Variants in CCDC62 observed in about 807,000 individuals in gnomAD.
The protein encoded by CCDC62 is coiled-coil domain containing 62, also known as coiled-coil domain-containing protein 62.
CCDC62 carries 72 observed loss-of-function variants against 80.8 expected under a neutral mutation model. That is an observed-to-expected ratio of 0.89 (90% CI 0.74 to 1.08). The LOEUF is 1.08. Among genes scored for constraint, CCDC62 ranks in the 50% least tolerant of loss-of-function variants. The probability of loss-of-function intolerance (pLI) is 0.00; values close to 1 mark genes in which losing one functional copy is unlikely to be tolerated. For synonymous variants in CCDC62, 286 were observed against 296.5 expected, an observed-to-expected ratio of 0.96 and a Z score of 0.36; for missense variants, 704 against 809.4, an observed-to-expected ratio of 0.87 and a Z score of 1.58.
rs1356730080 is a variant in CCDC62 at position 122,792,054 on chromosome 12, G to A, written c.705G>A (p.Glu235=). The change falls in exon 6 of 13, where the codon GAG becomes GAA. Residue 235 remains glutamate (E), a synonymous_variant. Transcript: ENST00000253079. ...DLNEKTTENN[E]QREEIIRLKQ... ...ATGAAAAGACGACAGAAAATAATGA[G>A]CAACGAGAAGAGATCATTCGCCTCA... The A allele has an allele frequency of 6.2e-7, 1 of 1,614,008 alleles. No homozygotes were observed. The highest frequency in any genetic ancestry group is 2.2e-5 in the East Asian group (1 of 44,880).
intron 12 of CCDC62, 124 bp downstream of exon 12, chr12:122,823,583 C>T (rs993503322): frequency 6.0e-5 from 34 of 566,562 alleles, no homozygotes; most frequent in Admixed American, 3.5e-4. Flanking sequence ...CTCTTTTGCT[C>T]GACCAATTTA....
chr12:122,800,164 CTTTTTTT>C (rs59113229), intron 8 of CCDC62, among the ~76,000 whole-genome samples: 2,923 of 104,950 alleles, frequency 0.028, 53 homozygotes, highest in South Asian at 0.061. Context: ...TGCCCGGCTA[CTTTTTTT>C]TTTTTTTTTT....
In CCDC62 at chr12:122,823,440, A is replaced by C. The variant is rs1208201670; in HGVS notation, c.*21A>C. The C allele has an allele frequency of 3.2e-6, 5 of 1,580,758 alleles. No homozygotes were observed. Among genetic ancestry groups the C allele is most frequent in the Non-Finnish European group, 3.5e-6 (4 of 1,149,696 alleles). On this transcript the variant is annotated 3_prime_UTR_variant, in exon 12 of 13. Coordinates refer to ENST00000253079, the MANE Select transcript of CCDC62 (RefSeq NM_201435.5). ...ATTGAAGGAAACAAAAGGCAACTTCAGTATTCATCGTGATCACGAGTAAGT... is the reference window on the plus strand; with the variant it reads ...ATTGAAGGAAACAAAAGGCAACTTCCGTATTCATCGTGATCACGAGTAAGT...
chr12:122,785,594 T>G, intron 3 of CCDC62, 125 bp from the exon 4 acceptor site: 1 of 699,966 alleles, frequency 1.4e-6, no homozygotes. Context: ...ACCAACTCTT[T>G]TTTGTTACTA....
At chr12:122,792,163 A>G (rs757396017) in intron 6 of CCDC62, 42 bp downstream of exon 6, 2 of 1,177,682 alleles carry the variant, frequency 1.7e-6, no homozygotes, top group South Asian at 1.2e-5. Context: ...TAGACTTGCA[A>G]TGATGACAGG....
Position 122,801,233 on chromosome 12 carries a change from G to C in CCDC62, c.1087G>C (p.Val363Leu), listed in dbSNP as rs2031284202. The C allele has an allele frequency of 6.2e-7, 1 of 1,614,138 alleles. No homozygotes were observed. Among genetic ancestry groups the C allele is most frequent in the Non-Finnish European group, 8.5e-7 (1 of 1,180,020 alleles). Residue 363 changes from valine to leucine, a missense_variant, in exon 9 of 13, where the codon GTT becomes CTT. Coordinates refer to ENST00000253079, the MANE Select transcript of CCDC62 (RefSeq NM_201435.5). ...GGACCAGAAATTTGAAGCCATGTTG[G>C]TTCAGCAAAATAGGTCAGACAAGAG... Reference protein sequence around the residue: ...FKDQKFEAMLVQQNRSDKSSC... With the variant: ...FKDQKFEAMLLQQNRSDKSSC...
chr12:122,782,347 T>C (rs1045928563), intron 3 of CCDC62, among the ~76,000 whole-genome samples: 1 of 152,200 alleles, frequency 6.6e-6, no homozygotes, highest in Non-Finnish European at 1.5e-5. Flanking sequence ...CGTTATGCCA[T>C]TTGGTTTAGT....
intron 2 of CCDC62, among the ~76,000 whole-genome samples, chr12:122,779,388 A>C (rs1879682768): frequency 6.6e-6 from 1 of 152,152 alleles, no homozygotes; most frequent in African/African-American, 2.4e-5. Context: ...AGGTGTGCAT[A>C]TCCTACAGCC....
chr12:122,795,646 G>C (rs1023266877), intron 6 of CCDC62, among the ~76,000 whole-genome samples: 1 of 152,024 alleles, frequency 6.6e-6, no homozygotes, highest in Non-Finnish European at 1.5e-5. Context: ...GGATGGTCTT[G>C]ATTTCCTGAC....
At chr12:122,819,404 T>C (rs2032309684) in intron 11 of CCDC62, among the ~76,000 whole-genome samples, 1 of 152,176 alleles carries the variant, frequency 6.6e-6, no homozygotes, top group African/African-American at 2.4e-5. Flanking sequence ...CAGGCAATGA[T>C]TCAGTCCTCC....
At chr12:122,804,732 T>G (rs1321194229) in intron 9 of CCDC62, among the ~76,000 whole-genome samples, 3 of 152,050 alleles carry the variant, frequency 2.0e-5, no homozygotes, top group African/African-American at 7.2e-5. Context: ...TTTTTTTCTC[T>G]TTTTAGAGAT....
At chr12:122,818,073 C>A (rs376007246) in intron 11 of CCDC62, among the ~76,000 whole-genome samples, 1 of 151,998 alleles carries the variant, frequency 6.6e-6, no homozygotes, top group Non-Finnish European at 1.5e-5. Flanking sequence ...TTTGGGAGGC[C>A]GAGGTGGGAG....
chr12:122,798,908 T>C (rs920182566), intron 8 of CCDC62, among the ~76,000 whole-genome samples: 6 of 151,584 alleles, frequency 4.0e-5, no homozygotes, highest in Non-Finnish European at 8.8e-5. Context: ...TGAAGCCCCA[T>C]CTGTACTAAA....
At position 122,781,335 on chromosome 12, in the gene CCDC62, G is replaced by A; in HGVS notation, c.396+5G>A. On this transcript the variant is annotated splice_donor_5th_base_variant and intron_variant, in intron 3 of 12. Transcript: ENST00000253079. ...CTTCTCTCTGAAGACCTTGAGGTTGGGATTAGTTTTTGATAAGCTTCACTA... is the reference window on the plus strand; with the variant it reads ...CTTCTCTCTGAAGACCTTGAGGTTGAGATTAGTTTTTGATAAGCTTCACTA... The A allele has an allele frequency of 6.2e-7, 1 of 1,611,370 alleles. No individual in the cohort carries two copies. The highest frequency in any genetic ancestry group is 8.5e-7 in the Non-Finnish European group (1 of 1,179,148).
intron 8 of CCDC62, among the ~76,000 whole-genome samples, chr12:122,799,185 A>G (rs767103307): frequency 2.0e-5 from 3 of 152,240 alleles, no homozygotes; most frequent in Admixed American, 6.5e-5. Flanking sequence ...AATTTTAGTC[A>G]TGATCCTGAT....
intron 4 of CCDC62, among the ~76,000 whole-genome samples, 192 bp downstream of exon 4, chr12:122,786,012 A>C (rs935674488): frequency 6.6e-6 from 1 of 152,254 alleles, no homozygotes; most frequent in Non-Finnish European, 1.5e-5. Flanking sequence ...GAAAGGAGGC[A>C]GGACTCTGCT....
chr12:122,788,679 A>G, intron 4 of CCDC62, 79 bp from the exon 5 acceptor site: 2 of 887,086 alleles, frequency 2.3e-6, no homozygotes, highest in South Asian at 3.5e-5. Context: ...GCACACGATA[A>G]GATCTTAGTG....
In CCDC62 at chr12:122,801,328, G is replaced by A. The variant is rs61740012; in HGVS notation, c.1182G>A (p.Thr394=). The change falls in exon 9 of 13, where the codon ACG becomes ACA. Residue 394 remains threonine (T), a synonymous_variant. Coordinates refer to ENST00000253079, the MANE Select transcript of CCDC62 (RefSeq NM_201435.5). ...DTVFGEKSVI[T]LSSIFTKDLV... The stretch of plus-strand genomic sequence containing the variant: ...TGTTTGGGGAGAAAAGTGTAATTAC[G>A]CTGTCATCCATATTCACCAAAGACT... 2.2e-4 allele frequency: 361 copies of A among 1,613,992 alleles called. No individual in the cohort carries two copies. Among genetic ancestry groups the A allele is most frequent in the East Asian group, 5.3e-4 (24 of 44,888 alleles).
chr12:122,776,400 T>C (rs1879458939), intron 1 of CCDC62, among the ~76,000 whole-genome samples: 1 of 152,238 alleles, frequency 6.6e-6, no homozygotes, highest in Non-Finnish European at 1.5e-5. Context: ...ATCATGGTTA[T>C]ATAGGAAATG....
Sources: gnomAD v4.1 joint callset for allele counts (sites outside exome capture counted in the v4.1 genomes callset) on GRCh38, gnomAD v4.1.1 for gene constraint, MANE v1.5 for transcripts, NCBI Gene and HGNC (gene_info 2026-07-23, HGNC 2026-07-21) for gene names.